COPA: variants seen among roughly 807,000 people sequenced by gnomAD.
COPA encodes the protein coat protein complex I subunit alpha.
Under a neutral mutation model 158.7 loss-of-function variants are expected in COPA, and 10 were observed. The ratio of observed to expected loss-of-function variants is 0.06; its 90% CI spans 0.04 to 0.11. The LOEUF (loss-of-function observed/expected upper bound fraction) is 0.11, where lower values mean the gene tolerates loss of function less well. Among genes scored for constraint, COPA ranks in the 10% least tolerant of loss-of-function variants. The pLI is 1.00. For missense variants in COPA, 1,065 were observed against 1,536.7 expected, an observed-to-expected ratio of 0.69 and a Z score of 5.13; for synonymous variants, 462 against 542.8, an observed-to-expected ratio of 0.85 and a Z score of 2.07.
chr1:160,316,526 G>A (rs960686022), intron 8 of COPA, among the ~76,000 whole-genome samples: 4 of 151,960 alleles, frequency 2.6e-5, no homozygotes, highest in East Asian at 1.9e-4. Context: ...TGAGGTGGGC[G>A]GATCATCTAA....
At chr1:160,310,306 A>G in intron 11 of COPA, 48 bp from the exon 12 acceptor site, 1 of 1,265,894 alleles carries the variant, frequency 7.9e-7, no homozygotes, top group Non-Finnish European at 1.1e-6. Context: ...AGGCATAAGA[A>G]TAGAAGGAAG....
chr1:160,336,187 A>C (rs1317349966), intron 3 of COPA, among the ~76,000 whole-genome samples: 2 of 151,834 alleles, frequency 1.3e-5, no homozygotes, highest in African/African-American at 2.4e-5. Context: ...CTCTACAAAA[A>C]TACAAAAAAA....
rs1366881428 is a variant in COPA at position 160,329,357 on chromosome 1, T to C, written c.496+3091A>G. Among the ~76,000 whole-genome samples, 3 of 152,284 alleles carry C rather than the reference T, an allele frequency of 2.0e-5. No individual in the cohort carries two copies. In the South Asian group the frequency reaches 6.2e-4, roughly 32 times the overall value. On this transcript the variant is annotated intron_variant, in intron 6 of 32. Transcript: ENST00000241704. ...GTATAGCAATTGCAAGGTTATTACATAGTAATCCATGCACTTCACACATTC... is the reference window on the plus strand; with the variant it reads ...GTATAGCAATTGCAAGGTTATTACACAGTAATCCATGCACTTCACACATTC...
At chr1:160,333,184 A>G (rs1647608628) in intron 5 of COPA, among the ~76,000 whole-genome samples, 1 of 152,230 alleles carries the variant, frequency 6.6e-6, no homozygotes, top group South Asian at 2.1e-4. Context: ...TTGGCCTCCC[A>G]AAGTGCTGGG....
intron 17 of COPA, among the ~76,000 whole-genome samples, chr1:160,304,417 G>A (rs559504504): frequency 6.6e-6 from 1 of 151,350 alleles, no homozygotes; most frequent in Non-Finnish European, 1.5e-5. Flanking sequence ...TGTAATCCCA[G>A]CACTTTGGGG....
intron 1 of COPA, among the ~76,000 whole-genome samples, chr1:160,341,243 CAT>C (rs1193796611): frequency 6.6e-6 from 1 of 152,196 alleles, no homozygotes; most frequent in East Asian, 1.9e-4. Flanking sequence ...TGCAGTTACA[CAT>C]AGACATAGGC....
chr1:160,292,229 A>G (rs895573661), intron 28 of COPA, 31 bp from the exon 29 acceptor site: 2 of 1,599,390 alleles, frequency 1.3e-6, no homozygotes, highest in Non-Finnish European at 1.7e-6. Context: ...AGAAGACAGG[A>G]TAGTCAGTAG....
At position 160,313,280 on chromosome 1, in the gene COPA, G is replaced by C; in HGVS notation, c.843-113C>G. On this transcript the variant is annotated intron_variant, in intron 9 of 32. Coordinates refer to ENST00000241704, the MANE Select transcript of COPA (RefSeq NM_004371.4). ...AGCTGATTAAAATGTAAATCAGGGA[G>C]AGTAAACTGCATATCCTAAGTAACA... 1.9e-5 allele frequency: 17 copies of C among 884,952 alleles called. No individual in the cohort carries two copies. The South Asian group carries it at 2.5e-4, about 13-fold the overall frequency. The allele number at this position is 884,952 out of a possible 1,614,324, so 54.8% of individuals were successfully genotyped here. A position where few individuals can be genotyped will look rare whatever the true frequency, so the allele number is the denominator to read the frequency against.
At chr1:160,334,671 C>CT (rs1647679508) in intron 4 of COPA, among the ~76,000 whole-genome samples, 1 of 152,116 alleles carries the variant, frequency 6.6e-6, no homozygotes, top group African/African-American at 2.4e-5. Flanking sequence ...ATACACAGAA[C>CT]TATAAGGAGA....
intron 32 of COPA, 37 bp downstream of exon 32, chr1:160,290,455 C>T (rs1417149278): frequency 6.3e-7 from 1 of 1,590,376 alleles, no homozygotes; most frequent in Admixed American, 1.8e-5. Context: ...CCCCTTCGCT[C>T]AATATCCTAG....
At position 160,295,792 on chromosome 1, in the gene COPA, T is replaced by G. The variant is rs199630217; in HGVS notation, c.2420A>C (p.Asn807Thr). 4.3e-4 allele frequency: 695 copies of G among 1,613,592 alleles called. 1 individual carries two copies. The highest frequency in any genetic ancestry group is 5.3e-4 in the Non-Finnish European group (620 of 1,179,888). The change falls in exon 23 of 33, where the codon AAT becomes ACT. Residue 807 changes from asparagine to threonine, a missense_variant. Physicochemically the swap from Asn to Thr is moderately conservative, Grantham distance 65. Coordinates refer to ENST00000241704, the MANE Select transcript of COPA (RefSeq NM_004371.4). ...TTTGGATACAGTCAATAAAGGCCAA[T>G]TGGTATCCAATGGCATGATAGGTGC... ...PPAPIMPLDT[N>T]WPLLTVSKGF...
At chr1:160,329,591 G>A (rs1193915463) in intron 6 of COPA, among the ~76,000 whole-genome samples, 1 of 152,002 alleles carries the variant, frequency 6.6e-6, no homozygotes, top group Non-Finnish European at 1.5e-5. Context: ...CTGGCATCAG[G>A]TGGCACAAAC....
In COPA at chr1:160,343,113, C is replaced by A; in HGVS notation, c.40+18G>T. On this transcript the variant is annotated intron_variant, in intron 1 of 32. Coordinates refer to ENST00000241704, the MANE Select transcript of COPA (RefSeq NM_004371.4). ...CCTGACATCCAACCTCCATGTTCCC[C>A]CTTTTATTCTCCACTACCTTTGACC... 1 of 1,614,160 alleles carries A rather than the reference C, an allele frequency of 6.2e-7. No homozygotes were observed. Among genetic ancestry groups the A allele is most frequent in the Non-Finnish European group, 8.5e-7 (1 of 1,180,028 alleles).
rs1400161197 is a variant in COPA at position 160,299,158 on chromosome 1, T to C, written c.1774A>G (p.Ile592Val). Residue 592 changes from isoleucine (I) to valine (V), a missense_variant, in exon 18 of 33, where the codon ATT (isoleucine) becomes GTT (valine). By Grantham distance (29) the Ile-to-Val change is conservative. Coordinates refer to ENST00000241704, the MANE Select transcript of COPA (RefSeq NM_004371.4). Reference sequence around the variant, plus strand: ...TTGAATTTGAACTCAGTGGGATCAATGGTGAGTACCCGGGGACGACACTCC... The same window carrying C: ...TTGAATTTGAACTCAGTGGGATCAACGGTGAGTACCCGGGGACGACACTCC... ...DRECRPRVLT[I>V]DPTEFKFKLA... The C allele has an allele frequency of 6.2e-7, 1 of 1,614,216 alleles. No homozygotes were observed. Among genetic ancestry groups the C allele is most frequent in the Admixed American group, 1.7e-5 (1 of 60,026 alleles).
chr1:160,304,240 C>T (rs1658708116), intron 17 of COPA, among the ~76,000 whole-genome samples: 1 of 151,626 alleles, frequency 6.6e-6, no homozygotes, highest in African/African-American at 2.4e-5. Flanking sequence ...TCTTGAACTC[C>T]TGACCTCCAG....
At chr1:160,322,064 C>A (rs1659346342) in intron 8 of COPA, among the ~76,000 whole-genome samples, 1 of 152,002 alleles carries the variant, frequency 6.6e-6, no homozygotes, top group Non-Finnish European at 1.5e-5. Flanking sequence ...TTATTGTATT[C>A]CCCATCAAAA....
intron 18 of COPA, 23 bp from the exon 19 acceptor site, chr1:160,299,014 G>A (rs369832395): frequency 1.9e-6 from 3 of 1,612,016 alleles, no homozygotes; most frequent in Non-Finnish European, 8.5e-7. Context: ...GGTGGAGTCG[G>A]GCAAGAAGTA....
intron 3 of COPA, among the ~76,000 whole-genome samples, chr1:160,337,063 T>C (rs955232530): frequency 5.9e-5 from 9 of 152,222 alleles, no homozygotes; most frequent in African/African-American, 1.9e-4. Context: ...ATGTACACAG[T>C]AGAGTTTCAC....
chr1:160,319,481 T>C (rs188313696), intron 8 of COPA, among the ~76,000 whole-genome samples: 16 of 149,984 alleles, frequency 1.1e-4, no homozygotes, highest in Admixed American at 7.4e-4. Context: ...AGATCATCCA[T>C]ACAGTAAATC....
Sources: gnomAD v4.1 joint callset for allele counts (sites outside exome capture counted in the v4.1 genomes callset) on GRCh38, gnomAD v4.1.1 for gene constraint, MANE v1.5 for transcripts, NCBI Gene and HGNC (gene_info 2026-07-23, HGNC 2026-07-21) for gene names.